Variants in UBE2D1 observed in about 807,000 individuals in gnomAD.
The protein encoded by UBE2D1 is ubiquitin conjugating enzyme E2 D1.
In UBE2D1, 9 loss-of-function variants were observed where a neutral mutation model predicts 24.6. The observed-to-expected ratio is 0.37, with a 90% confidence interval of 0.22 to 0.64. The LOEUF (loss-of-function observed/expected upper bound fraction) is 0.64, where lower values mean the gene tolerates loss of function less well. Ranked by LOEUF, UBE2D1 falls within the 30% of genes least tolerant of loss-of-function variation. The pLI, the probability that UBE2D1 is intolerant of heterozygous loss-of-function variation, is 0.64. For synonymous variants in UBE2D1, 57 were observed against 57.6 expected, an observed-to-expected ratio of 0.99 and a Z score of 0.04; for missense variants, 87 against 177.1, an observed-to-expected ratio of 0.49 and a Z score of 2.89.
intron 1 of UBE2D1, among the ~76,000 whole-genome samples, chr10:58,342,132 A>G (rs184580450): frequency 6.6e-6 from 1 of 152,304 alleles, no homozygotes; most frequent in East Asian, 1.9e-4. Context: ...TTAGACAATA[A>G]CAGGCTGTTG....
chr10:58,348,382 G>A (rs1840038403), intron 1 of UBE2D1, among the ~76,000 whole-genome samples: 1 of 152,198 alleles, frequency 6.6e-6, no homozygotes, highest in Non-Finnish European at 1.5e-5. Flanking sequence ...ACCAAATACA[G>A]CTTATATATC....
rs1839956263 is a variant in UBE2D1, at chr10:58,341,021, T to C, written c.24+5796T>C. On this transcript the variant is annotated intron_variant, in intron 1 of 6. Transcript: ENST00000373910. ...CTGACACATTGCTCAAATGTGTTGA[T>C]TGTGCTTCGCAAATCTCTGCTCCAA... is the stretch of plus-strand genomic sequence containing the variant. 2.6e-5 allele frequency among the ~76,000 whole-genome samples: 4 copies of C among 152,244 alleles called. No individual in the cohort carries two copies. In the South Asian group the frequency reaches 8.3e-4, roughly 32 times the overall value.
chr10:58,345,586 T>A (rs1011641706), intron 1 of UBE2D1, among the ~76,000 whole-genome samples: 1 of 152,096 alleles, frequency 6.6e-6, no homozygotes, highest in East Asian at 1.9e-4. Flanking sequence ...ATCTAAGAAA[T>A]TTAAAATTAA....
intron 1 of UBE2D1, among the ~76,000 whole-genome samples, chr10:58,344,450 TTC>T (rs1839994588): frequency 6.6e-6 from 1 of 152,188 alleles, no homozygotes; most frequent in African/African-American, 2.4e-5. Flanking sequence ...ACTTGATACT[TTC>T]TGTCATCTCT....
chr10:58,358,895 GAATTAC>G (rs773200018), intron 1 of UBE2D1, among the ~76,000 whole-genome samples: 6 of 150,616 alleles, frequency 4.0e-5, no homozygotes, highest in Non-Finnish European at 8.8e-5. Context: ...CAAGTAATTG[GAATTAC>G]AGGCATGAAT....
At chr10:58,344,859 G>GTTTTTTT (rs1333940231) in intron 1 of UBE2D1, among the ~76,000 whole-genome samples, 1 of 147,628 alleles carries the variant, frequency 6.8e-6, no homozygotes, top group African/African-American at 2.5e-5. Flanking sequence ...ATAGGTAATA[G>GTTTTTTT]TTTTTTTGTT....
intron 3 of UBE2D1, 60 bp from the exon 4 acceptor site, chr10:58,363,549 T>G: frequency 8.1e-7 from 1 of 1,235,866 alleles, no homozygotes; most frequent in Non-Finnish European, 1.1e-6. Context: ...GGGGAAATAA[T>G]TTTGTTGTTA....
At chr10:58,351,884 G>A (rs1840080952) in intron 1 of UBE2D1, among the ~76,000 whole-genome samples, 1 of 152,094 alleles carries the variant, frequency 6.6e-6, no homozygotes, top group African/African-American at 2.4e-5. Flanking sequence ...GTCATTAGGT[G>A]ATAGGAATTT....
chr10:58,335,195 C>T lies in UBE2D1; in HGVS notation c.-7C>T. On this transcript the variant is annotated 5_prime_UTR_variant, in exon 1 of 7. Transcript: ENST00000373910. ...CCGGCCGGTGTCCCCACCGCCATCC[C>T]TGACCCATGGCGCTGAAGAGGATTC... 6.5e-7 allele frequency: 1 copy of T among 1,548,630 alleles called. No individual in the cohort carries two copies. The highest frequency in any genetic ancestry group is 8.7e-7 in the Non-Finnish European group (1 of 1,149,900).
Position 58,365,256 on chromosome 10 carries a change from G to A in UBE2D1, c.304+380G>A, listed in dbSNP as rs564990155. On this transcript the variant is annotated intron_variant, in intron 5 of 6. Transcript: ENST00000373910. ...AAGGCTGAAGTGGAGGATTGCTTGAGCCCGAGTTCGAGACCGGCCTGGGCA... is the reference window on the plus strand; with the variant it reads ...AAGGCTGAAGTGGAGGATTGCTTGAACCCGAGTTCGAGACCGGCCTGGGCA... 4.6e-5 allele frequency among the ~76,000 whole-genome samples: 7 copies of A among 152,212 alleles called. No individual in the cohort carries two copies. In the East Asian group the frequency reaches 9.7e-4, roughly 21 times the overall value.
In UBE2D1 at chr10:58,347,642, T is replaced by TG. The variant is rs1179917044; in HGVS notation, c.24+12417_24+12418insG. On this transcript the variant is annotated intron_variant, in intron 1 of 6. Coordinates refer to ENST00000373910, the MANE Select transcript of UBE2D1 (RefSeq NM_003338.5). ...AGCTTTTATTCTAAATTACACTCTT[T>TG]TTTTTTTTTTTTTTTTTGCCCCGAG... is the stretch of plus-strand genomic sequence containing the variant. 2.0e-4 allele frequency among the ~76,000 whole-genome samples: 29 copies of TG among 147,636 alleles called. 1 individual carries two copies. The highest frequency in any genetic ancestry group is 7.2e-4 in the African/African-American group (29 of 40,210).
intron 4 of UBE2D1, among the ~76,000 whole-genome samples, chr10:58,363,989 A>G (rs1219671503): frequency 2.0e-5 from 3 of 149,354 alleles, no homozygotes; most frequent in East Asian, 1.9e-4. Flanking sequence ...AGACTTTTCT[A>G]TTCATGGGAT....
intron 4 of UBE2D1, 55 bp from the exon 5 acceptor site, chr10:58,364,716 T>C: frequency 7.3e-7 from 1 of 1,364,030 alleles, no homozygotes; most frequent in Non-Finnish European, 1.0e-6. Flanking sequence ...TTCTGTTTTA[T>C]TCATAGTTGA....
chr10:58,355,788 G>T (rs1263644024), intron 1 of UBE2D1, among the ~76,000 whole-genome samples: 1 of 152,086 alleles, frequency 6.6e-6, no homozygotes, highest in Non-Finnish European at 1.5e-5. Context: ...TAACCACTGT[G>T]CAGTTAAACA....
chr10:58,367,865 G>A, intron 5 of UBE2D1, 58 bp from the exon 6 acceptor site: 1 of 1,173,900 alleles, frequency 8.5e-7, no homozygotes, highest in Admixed American at 1.9e-5. Flanking sequence ...TTTCACATAT[G>A]TAATTTGTAT....
intron 1 of UBE2D1, among the ~76,000 whole-genome samples, chr10:58,352,760 A>G (rs904074213): frequency 2.0e-5 from 3 of 152,130 alleles, no homozygotes; most frequent in Admixed American, 6.5e-5. Flanking sequence ...AATATTTCAT[A>G]TATCAGTTTC....
At chr10:58,345,543 T>C (rs1040617219) in intron 1 of UBE2D1, among the ~76,000 whole-genome samples, 1 of 152,268 alleles carries the variant, frequency 6.6e-6, no homozygotes, top group East Asian at 1.9e-4. Flanking sequence ...AGTAAGGAGA[T>C]GCTAGTTATG....
chr10:58,340,462 CT>C (rs1362137397), intron 1 of UBE2D1, among the ~76,000 whole-genome samples: 1 of 152,116 alleles, frequency 6.6e-6, no homozygotes, highest in Non-Finnish European at 1.5e-5. Flanking sequence ...TATCAGTAAT[CT>C]GTTTATAGAA....
At position 58,364,831 on chromosome 10, in the gene UBE2D1, G is replaced by C; in HGVS notation, c.259G>C (p.Asp87His). Residue 87 changes from aspartate to histidine, a missense_variant, in exon 5 of 7, where the codon GAT (aspartate) becomes CAT (histidine). By Grantham distance (81) the Asp-to-His change is moderately conservative. Coordinates refer to ENST00000373910, the MANE Select transcript of UBE2D1 (RefSeq NM_003338.5). ...AAACAGTAATGGAAGTATTTGTCTCGATATTCTGAGGTCACAATGGTCACC... is the reference window on the plus strand; with the variant it reads ...AAACAGTAATGGAAGTATTTGTCTCCATATTCTGAGGTCACAATGGTCACC... ...NINSNGSICL[D>H]ILRSQWSPAL... 1.2e-6 allele frequency: 2 copies of C among 1,613,566 alleles called. No individual in the cohort carries two copies. The highest frequency in any genetic ancestry group is 1.7e-6 in the Non-Finnish European group (2 of 1,179,762).
Sources: gnomAD v4.1 joint callset for allele counts (sites outside exome capture counted in the v4.1 genomes callset) on GRCh38, gnomAD v4.1.1 for gene constraint, MANE v1.5 for transcripts, NCBI Gene and HGNC (gene_info 2026-07-23, HGNC 2026-07-21) for gene names.